RPS6KA6: variants seen among roughly 807,000 people sequenced by gnomAD.
RPS6KA6 encodes ribosomal protein S6 kinase alpha-6.
A neutral mutation model predicts 65.4 loss-of-function variants in RPS6KA6; 27 were observed. That is an observed-to-expected ratio of 0.41 (90% CI 0.30 to 0.57). RPS6KA6 has a LOEUF of 0.57. Among genes scored for constraint, RPS6KA6 ranks in the 20% least tolerant of loss-of-function variants. RPS6KA6 has a pLI of 0.24. For missense variants in RPS6KA6, 486 were observed against 555.6 expected, an observed-to-expected ratio of 0.87 and a Z score of 1.26; for synonymous variants, 190 against 184.2, an observed-to-expected ratio of 1.03 and a Z score of -0.26.
chrX:84,102,313 T>A lies in RPS6KA6; in HGVS notation c.1615-115A>T, dbSNP rs2034275240. On this transcript the variant is annotated intron_variant, in intron 17 of 21. Coordinates refer to ENST00000262752, the MANE Select transcript of RPS6KA6 (RefSeq NM_014496.5). ...TCTGAGAAAAAGAAACTTTCCAAAT[T>A]ACAAAATTTTGAAAATGACATTTTG... The A allele has an allele frequency of 2.6e-5, 11 of 418,698 alleles. No individual in the cohort carries two copies. In the South Asian group the frequency reaches 1.3e-3, roughly 50 times the overall value. The allele number at this position is 418,698 out of a possible 1,213,427, so 34.5% of individuals were successfully genotyped here.
intron 12 of RPS6KA6, among the ~76,000 whole-genome samples, chrX:84,109,692 A>G (rs1602415355): frequency 9.1e-6 from 1 of 109,417 alleles, no homozygotes; most frequent in East Asian, 2.9e-4. Flanking sequence ...CTTCCAGAGT[A>G]CTCTCCCTGC....
intron 8 of RPS6KA6, among the ~76,000 whole-genome samples, chrX:84,124,937 G>A (rs2034750095): frequency 8.9e-6 from 1 of 111,950 alleles, no homozygotes; most frequent in South Asian, 3.7e-4. Flanking sequence ...ACATAATGGA[G>A]CCCCAATACA....
At chrX:84,146,307 A>G (rs1475794827) in intron 5 of RPS6KA6, among the ~76,000 whole-genome samples, 3 of 111,707 alleles carry the variant, frequency 2.7e-5, no homozygotes, top group Non-Finnish European at 5.7e-5. Flanking sequence ...TTAATGTATT[A>G]TTTGTCAAAA....
At chrX:84,134,672 A>G (rs1490075269) in intron 8 of RPS6KA6, 110 bp downstream of exon 8, 2 of 471,648 alleles carry the variant, frequency 4.2e-6, no homozygotes, top group African/African-American at 2.5e-5. Flanking sequence ...AGACAAATAA[A>G]TTGCAAATCA....
intron 8 of RPS6KA6, among the ~76,000 whole-genome samples, chrX:84,131,084 A>T (rs1398810394): frequency 8.9e-6 from 1 of 112,145 alleles, no homozygotes; most frequent in East Asian, 2.8e-4. Context: ...CCATGGTAAA[A>T]TCTTGCAAAA....
chrX:84,078,478 C>G (rs2147350702), intron 20 of RPS6KA6, among the ~76,000 whole-genome samples: 1 of 111,355 alleles, frequency 9.0e-6, no homozygotes, highest in East Asian at 2.8e-4. Flanking sequence ...ACACATAAAA[C>G]CACTGGCACA....
chrX:84,142,673 A>C (rs1270731612), intron 6 of RPS6KA6, among the ~76,000 whole-genome samples: 1 of 111,386 alleles, frequency 9.0e-6, no homozygotes, highest in Non-Finnish European at 1.9e-5. Context: ...CATCACTAAC[A>C]ATTCCACAAC....
rs1446105720 is a variant in RPS6KA6, at chrX:84,062,233, C to A, written c.*2044G>T. 9.0e-6 allele frequency: 1 copy of A among 111,295 alleles called. No homozygotes were observed. The highest frequency in any genetic ancestry group is 9.6e-5 in the Admixed American group (1 of 10,434). The allele number at this position is 111,295 out of a possible 1,213,427, so 9.2% of individuals were successfully genotyped here. A position where few individuals can be genotyped will look rare whatever the true frequency, so the allele number is the denominator to read the frequency against. ...ATTAAGACTGTCTACTTTTTAAAGC[C>A]ATTGATTATAGAAAACCTGAAAGTT... On this transcript the variant is annotated 3_prime_UTR_variant, in exon 22 of 22. Coordinates refer to ENST00000262752, the MANE Select transcript of RPS6KA6 (RefSeq NM_014496.5).
rs1438982850 is a variant in RPS6KA6 at position 84,061,601 on chromosome X, G to A, written c.*2676C>T. On this transcript the variant is annotated 3_prime_UTR_variant, in exon 22 of 22. Transcript: ENST00000262752. ...TTCCTGAGTTTATTCATGGTAGTATGTGCTTAAGGACAACAGGTTGTTAGT... is the reference window on the plus strand; with the variant it reads ...TTCCTGAGTTTATTCATGGTAGTATATGCTTAAGGACAACAGGTTGTTAGT... The A allele has an allele frequency of 9.0e-6, 1 of 111,291 alleles. No homozygotes were observed. Among genetic ancestry groups the A allele is most frequent in the Non-Finnish European group, 1.9e-5 (1 of 52,931 alleles). 9.2% of individuals were successfully genotyped at this position (111,291 alleles called of 1,213,427 possible).
At chrX:84,127,265 C>T (rs2034811222) in intron 8 of RPS6KA6, among the ~76,000 whole-genome samples, 1 of 110,829 alleles carries the variant, frequency 9.0e-6, no homozygotes, top group African/African-American at 3.3e-5. Flanking sequence ...CACGTAAAAC[C>T]TACCAAGAAA....
chrX:84,114,041 C>T (rs112899817), intron 12 of RPS6KA6, among the ~76,000 whole-genome samples: 6,885 of 110,983 alleles, frequency 0.062, 231 homozygotes, highest in East Asian at 0.21. Flanking sequence ...TAACAACAGC[C>T]GCAAAAAGTA....
Position 84,108,405 on chromosome X carries a change from A to T in RPS6KA6, c.1009-680T>A, listed in dbSNP as rs760525961. 1.1e-3 allele frequency among the ~76,000 whole-genome samples: 125 copies of T among 111,871 alleles called. 1 individual carries two copies. The highest frequency in any genetic ancestry group is 5.6e-3 in the South Asian group (15 of 2,692). The stretch of plus-strand genomic sequence containing the variant: ...AGTGGATGCCTCTCTCATGGTGAGG[A>T]ATCAAAATAGCAATAAATATTGACA... On this transcript the variant is annotated intron_variant, in intron 12 of 21. Coordinates refer to ENST00000262752, the MANE Select transcript of RPS6KA6 (RefSeq NM_014496.5).
intron 1 of RPS6KA6, among the ~76,000 whole-genome samples, chrX:84,179,666 A>C (rs2035821929): frequency 8.9e-6 from 1 of 111,900 alleles, no homozygotes; most frequent in Admixed American, 9.5e-5. Context: ...CACTTATTCC[A>C]ATGTAATTGC....
chrX:84,085,828 G>A (rs2033906680), intron 20 of RPS6KA6, among the ~76,000 whole-genome samples: 1 of 111,409 alleles, frequency 9.0e-6, no homozygotes, highest in South Asian at 3.7e-4. Flanking sequence ...TGGTTGGTAG[G>A]CTATTACTGC....
intron 1 of RPS6KA6, among the ~76,000 whole-genome samples, chrX:84,175,814 A>G (rs1398677642): frequency 3.6e-5 from 4 of 111,877 alleles, no homozygotes; most frequent in Non-Finnish European, 7.5e-5. Context: ...AAAAATGCGT[A>G]AATACACAGT....
intron 11 of RPS6KA6, among the ~76,000 whole-genome samples, 162 bp downstream of exon 11, chrX:84,116,898 T>A (rs2034578495): frequency 1.8e-5 from 2 of 112,003 alleles, no homozygotes; most frequent in South Asian, 7.4e-4. Context: ...CAGTTTTAAA[T>A]CATGGACATA....
At chrX:84,140,123 G>A (rs1354257971) in intron 6 of RPS6KA6, among the ~76,000 whole-genome samples, 1 of 111,481 alleles carries the variant, frequency 9.0e-6, no homozygotes, top group East Asian at 2.9e-4. Context: ...CCTAAACCAG[G>A]AAAACAACGA....
chrX:84,096,676 T>A (rs1398261104), intron 19 of RPS6KA6, among the ~76,000 whole-genome samples: 5 of 111,748 alleles, frequency 4.5e-5, no homozygotes, highest in African/African-American at 1.3e-4. Flanking sequence ...AAAGAAAATG[T>A]TAATTTCATA....
chrX:84,120,029 TATA>T lies in RPS6KA6; in HGVS notation c.647-5_647-3del, dbSNP rs1286263839. On this transcript the variant is annotated splice_polypyrimidine_tract_variant and splice_region_variant and intron_variant, in intron 8 of 21. Coordinates refer to ENST00000262752, the MANE Select transcript of RPS6KA6 (RefSeq NM_014496.5). ...CTGACTCCTTGCTGAGTCCAAAATCTATAATAACAGTATTACCAAAAAATGTGT... is the reference window on the plus strand; with the variant it reads ...CTGACTCCTTGCTGAGTCCAAAATCTATAACAGTATTACCAAAAAATGTGT... The T allele has an allele frequency of 1.4e-5, 16 of 1,151,968 alleles. No individual in the cohort carries two copies. Among genetic ancestry groups the T allele is most frequent in the African/African-American group, 1.8e-5 (1 of 54,754 alleles). The allele number at this position is 1,151,968 out of a possible 1,213,427, so 94.9% of individuals were successfully genotyped here. A position where few individuals can be genotyped will look rare whatever the true frequency, so the allele number is the denominator to read the frequency against.
Sources: gnomAD v4.1 joint callset for allele counts (sites outside exome capture counted in the v4.1 genomes callset) on GRCh38, gnomAD v4.1.1 for gene constraint, MANE v1.5 for transcripts, NCBI Gene and HGNC (gene_info 2026-07-23, HGNC 2026-07-21) for gene names.